Variants in CLIP2 observed in about 807,000 individuals in gnomAD.
CLIP2 encodes the protein CAP-Gly domain-containing linker protein 2.
Under a neutral mutation model 111.7 loss-of-function variants are expected in CLIP2, and 41 were observed. The observed-to-expected ratio is 0.37, with a 90% CI of 0.29 to 0.48. The LOEUF (loss-of-function observed/expected upper bound fraction) is 0.48. Ranked by LOEUF, CLIP2 falls within the 20% of genes least tolerant of loss-of-function variation. The pLI is 0.99. For synonymous variants in CLIP2, 660 were observed against 644.2 expected (o/e 1.02, Z -0.37); for missense variants, 1,160 against 1,422.1 (o/e 0.82, Z 2.96).
chr7:74,329,905 G>A (rs1010731425), intron 2 of CLIP2, among the ~76,000 whole-genome samples: 2 of 151,220 alleles, frequency 1.3e-5, no homozygotes, highest in Admixed American at 6.6e-5. Flanking sequence ...TCAGCCTCCC[G>A]AGTAGCTGGG....
Position 74,364,320 on chromosome 7 carries a change from C to T in CLIP2, c.1380+5C>T, listed in dbSNP as rs781840937. ...ATCACCAAGGGAGACCTGGAGGTAA[C>T]AGTCAGAGGCCCCTTCCCTGGGCAC... On this transcript the variant is annotated splice_donor_5th_base_variant and intron_variant, in intron 8 of 16. Coordinates refer to ENST00000223398, the MANE Select transcript of CLIP2 (RefSeq NM_003388.5). The T allele has an allele frequency of 2.5e-6, 4 of 1,612,442 alleles. No homozygotes were observed. The highest frequency in any genetic ancestry group is 3.4e-6 in the Non-Finnish European group (4 of 1,179,146).
chr7:74,330,005 C>T (rs1482391042), intron 2 of CLIP2, among the ~76,000 whole-genome samples: 2 of 152,074 alleles, frequency 1.3e-5, no homozygotes, highest in Admixed American at 6.6e-5. Context: ...TCTCGAACTC[C>T]TGGCCTCAAG....
At chr7:74,297,574 G>A (rs1290838411) in intron 1 of CLIP2, among the ~76,000 whole-genome samples, 1 of 152,108 alleles carries the variant, frequency 6.6e-6, no homozygotes, top group African/African-American at 2.4e-5. Flanking sequence ...TCCAGTGATG[G>A]GGGGCTCACT....
chr7:74,331,562 CTTTTTTTTT>C (rs1213774851), intron 2 of CLIP2, among the ~76,000 whole-genome samples: 1 of 120,662 alleles, frequency 8.3e-6, no homozygotes, highest in East Asian at 2.5e-4. Flanking sequence ...TTCTTTCTTT[CTTTTTTTTT>C]TTTTTTTTTT....
chr7:74,304,080 ATTT>A (rs112127357), intron 1 of CLIP2, among the ~76,000 whole-genome samples: 2 of 146,760 alleles, frequency 1.4e-5, no homozygotes, highest in African/African-American at 2.5e-5. Context: ...TGCCTGGCTA[ATTT>A]TTTTTTTTTA....
intron 12 of CLIP2, chr7:74,388,831 C>G (rs1320759782): frequency 1.3e-5 from 4 of 318,506 alleles, no homozygotes; most frequent in African/African-American, 8.7e-5. Context: ...TGGTGCACTC[C>G]TGTAGTCCCA....
intron 1 of CLIP2, among the ~76,000 whole-genome samples, chr7:74,312,904 T>C (rs1554728700): frequency 6.6e-6 from 1 of 152,118 alleles, no homozygotes; most frequent in African/African-American, 2.4e-5. Context: ...GGTAGTAGCA[T>C]TGCTGACTCA....
chr7:74,389,812 T>C (rs1791223041), intron 13 of CLIP2, among the ~76,000 whole-genome samples: 1 of 151,760 alleles, frequency 6.6e-6, no homozygotes, highest in Non-Finnish European at 1.5e-5. Context: ...GGCATGAGAA[T>C]TCCTTGAACC....
Position 74,338,735 on chromosome 7 carries a change from G to A in CLIP2, c.409G>A (p.Gly137Ser). 6.3e-7 allele frequency: 1 copy of A among 1,597,454 alleles called. No homozygotes were observed. Among genetic ancestry groups the A allele is most frequent in the Non-Finnish European group, 8.5e-7 (1 of 1,174,668 alleles). ...CTACTTCGAGTGCCCGGCCCTCCAG[G>A]GTATCTTCACGCGGCCCTCCAAGCT... ...VRYFECPALQGIFTRPSKLTR... is the reference protein window; with the variant it reads ...VRYFECPALQSIFTRPSKLTR... Residue 137 changes from glycine (G) to serine (S), a missense_variant, in exon 3 of 17, where the codon GGT (glycine) becomes AGT (serine). Transcript: ENST00000223398. The surrounding 1 kb of genome is among the most constrained non-coding windows in gnomAD (Gnocchi z 4.3).
chr7:74,298,658 A>G (rs1237742426), intron 1 of CLIP2, among the ~76,000 whole-genome samples: 3 of 151,376 alleles, frequency 2.0e-5, no homozygotes, highest in African/African-American at 7.3e-5. Context: ...TCAGCCTCCC[A>G]AGTAGCTGGG....
At chr7:74,381,020 C>A (rs782653942) in intron 11 of CLIP2, 157 bp downstream of exon 11, 3 of 660,732 alleles carry the variant, frequency 4.5e-6, no homozygotes, top group Admixed American at 2.3e-5. Context: ...AGGGAGGAGG[C>A]CAGTTTACGG....
At chr7:74,321,707 AT>A (rs1188062125) in intron 2 of CLIP2, among the ~76,000 whole-genome samples, 2 of 151,370 alleles carry the variant, frequency 1.3e-5, no homozygotes, top group Non-Finnish European at 2.9e-5. Flanking sequence ...TGGCCTTGTG[AT>A]CCCCCCGCCT....
chr7:74,316,983 G>A (rs539557860), intron 1 of CLIP2, among the ~76,000 whole-genome samples: 6 of 152,188 alleles, frequency 3.9e-5, no homozygotes, highest in Non-Finnish European at 8.8e-5. Context: ...GGGCTCAAGC[G>A]ATCCACCAGC....
chr7:74,386,997 T>C (rs1223556268), intron 12 of CLIP2, among the ~76,000 whole-genome samples: 1 of 126,248 alleles, frequency 7.9e-6, no homozygotes, highest in African/African-American at 3.1e-5. Flanking sequence ...CACTCCAGCC[T>C]GGGTGACAGA....
intron 8 of CLIP2, among the ~76,000 whole-genome samples, chr7:74,372,366 G>T (rs116349038): frequency 0.029 from 3,953 of 137,116 alleles, 212 homozygotes; most frequent in African/African-American, 0.11. Flanking sequence ...GAAACATCTT[G>T]CGTGTTATGG....
rs1225119363 is a variant in CLIP2 at position 74,376,828 on chromosome 7, CG to C, written c.2421+7del. The C allele has an allele frequency of 5.7e-6, 9 of 1,566,140 alleles. No individual in the cohort carries two copies. In the East Asian group the frequency reaches 2.1e-4, roughly 36 times the overall value. ...GCTCCTCCCAGCACACCCACGTAGG[CG>C]CCTGCCCCTCCTGCTGGGGCGGGAG... is the stretch of plus-strand genomic sequence containing the variant. On this transcript the variant is annotated splice_region_variant and intron_variant, in intron 10 of 16. Coordinates refer to ENST00000223398, the MANE Select transcript of CLIP2 (RefSeq NM_003388.5). The surrounding 1 kb of genome is among the most constrained non-coding windows in gnomAD (Gnocchi z 7.1).
At chr7:74,385,606 A>C (rs562205652) in intron 11 of CLIP2, among the ~76,000 whole-genome samples, 3 of 152,168 alleles carry the variant, frequency 2.0e-5, no homozygotes, top group African/African-American at 7.2e-5. Context: ...AGGAGCACCC[A>C]GGCTTGAATA....
chr7:74,341,894 C>T (rs1789666337), intron 3 of CLIP2, among the ~76,000 whole-genome samples: 2 of 152,188 alleles, frequency 1.3e-5, no homozygotes, highest in South Asian at 4.1e-4. Flanking sequence ...TGATCGCAGA[C>T]ATCAGTGTCT....
chr7:74,360,340 C>A, intron 7 of CLIP2, 62 bp downstream of exon 7: 1 of 1,320,566 alleles, frequency 7.6e-7, no homozygotes, highest in Non-Finnish European at 1.1e-6. Context: ...AGGAAGAGGG[C>A]AGGCTTGGGA....
Sources: gnomAD v4.1 joint callset for allele counts (sites outside exome capture counted in the v4.1 genomes callset) on GRCh38, gnomAD v4.1.1 for gene constraint, Gnocchi (gnomAD v3.1) non-coding constraint, MANE v1.5 for transcripts, NCBI Gene and HGNC (gene_info 2026-07-23, HGNC 2026-07-21) for gene names.